SLC28A1: variants seen among roughly 807,000 people sequenced by gnomAD.
SLC28A1 encodes sodium/nucleoside cotransporter 1.
Under a neutral mutation model 74.8 loss-of-function variants are expected in SLC28A1, and 64 were observed. The observed-to-expected ratio is 0.86, with a 90% CI of 0.70 to 1.05. SLC28A1 has a LOEUF of 1.05. SLC28A1 is among the 50% of genes least tolerant of loss of function. The probability of loss-of-function intolerance (pLI) is 0.00; values close to 1 mark genes in which losing one functional copy is unlikely to be tolerated. For synonymous variants in SLC28A1, 359 were observed against 335.0 expected (o/e 1.07, Z -0.78); for missense variants, 828 against 822.8 (o/e 1.01, Z -0.08).
chr15:84,921,439 C>T (rs1969822191), intron 11 of SLC28A1, among the ~76,000 whole-genome samples: 1 of 152,204 alleles, frequency 6.6e-6, no homozygotes, highest in South Asian at 2.1e-4. Flanking sequence ...AGGTTTTCTT[C>T]TTTCTGGTCA....
chr15:84,965,448 A>G, the SLC28A1 span, among the ~76,000 whole-genome samples: 2 of 152,176 alleles, frequency 1.3e-5, no homozygotes, highest in African/African-American at 4.8e-5. Context: ...TCCTCTCTGG[A>G]TTTAGGCTGG....
intron 6 of SLC28A1, chr15:84,895,829 T>A (rs765510985): frequency 1.2e-5 from 13 of 1,087,266 alleles, no homozygotes; most frequent in African/African-American, 1.6e-5. Context: ...TCTATTTTGT[T>A]GATGAAGAAG....
Position 84,938,815 on chromosome 15 carries a change from T to G in SLC28A1, c.1581+3297T>G, listed in dbSNP as rs555703841. Among the ~76,000 whole-genome samples the G allele has an allele frequency of 2.0e-5, 3 of 150,044 alleles. No homozygotes were observed. In the East Asian group the frequency reaches 5.8e-4, roughly 29 times the overall value. The stretch of plus-strand genomic sequence containing the variant: ...CTGGTCAGAAAAAATATCCCTGAGG[T>G]GTGGCATTTAAGCCAAGACTTGGAG... On this transcript the variant is annotated intron_variant, in intron 15 of 18. Coordinates refer to ENST00000394573, the MANE Select transcript of SLC28A1 (RefSeq NM_004213.5).
chr15:84,928,579 T>TCTCC (rs1567172254), intron 12 of SLC28A1, among the ~76,000 whole-genome samples: 1 of 25,764 alleles, frequency 3.9e-5, no homozygotes, highest in Non-Finnish European at 6.2e-5. Flanking sequence ...TCTTTCTTTC[T>TCTCC]TTCTTTCTTT....
intron 15 of SLC28A1, among the ~76,000 whole-genome samples, chr15:84,941,801 G>T (rs1188512948): frequency 1.1e-5 from 1 of 89,034 alleles, no homozygotes; most frequent in Non-Finnish European, 2.1e-5. Context: ...GAACCCAGGA[G>T]GCAGAAGTTT....
At chr15:84,885,618 C>A (rs535866662) in intron 1 of SLC28A1, among the ~76,000 whole-genome samples, 2 of 151,148 alleles carry the variant, frequency 1.3e-5, no homozygotes, top group Non-Finnish European at 2.9e-5. Context: ...GTAATCACAG[C>A]TACTTGGGAG....
chr15:84,893,205 A>G (rs1965558684), intron 5 of SLC28A1, among the ~76,000 whole-genome samples: 1 of 152,054 alleles, frequency 6.6e-6, no homozygotes, highest in South Asian at 2.1e-4. Context: ...TCCCTCTCCA[A>G]GTGGGCATCA....
At chr15:84,959,195 C>T in the SLC28A1 span, among the ~76,000 whole-genome samples, 1 of 151,986 alleles carries the variant, frequency 6.6e-6, no homozygotes, top group Non-Finnish European at 1.5e-5. Context: ...CCTCGACCAT[C>T]CCAGGCCTAG....
intron 6 of SLC28A1, among the ~76,000 whole-genome samples, chr15:84,902,446 C>A (rs1966776806): frequency 6.7e-6 from 1 of 150,144 alleles, no homozygotes; most frequent in South Asian, 2.1e-4. Context: ...TGCCACTGCA[C>A]TGCAGCTTGA....
At chr15:84,930,453 G>GT (rs1392881682) in intron 12 of SLC28A1, among the ~76,000 whole-genome samples, 1 of 151,996 alleles carries the variant, frequency 6.6e-6, no homozygotes, top group African/African-American at 2.4e-5. Flanking sequence ...ATTTTAAGAA[G>GT]TTTTGTCGAT....
chr15:84,959,889 G>A, the SLC28A1 span, among the ~76,000 whole-genome samples: 1 of 152,156 alleles, frequency 6.6e-6, no homozygotes, highest in East Asian at 1.9e-4. Flanking sequence ...ACGTAACAAT[G>A]AGTCCCTGAA....
At chr15:84,972,457 C>A in the SLC28A1 span, among the ~76,000 whole-genome samples, 2 of 152,148 alleles carry the variant, frequency 1.3e-5, no homozygotes, top group African/African-American at 4.8e-5. Flanking sequence ...GTTGTAAAGG[C>A]TCAAGAAGAA....
the SLC28A1 span, among the ~76,000 whole-genome samples, chr15:84,954,324 G>A: frequency 6.6e-6 from 1 of 152,132 alleles, no homozygotes; most frequent in Non-Finnish European, 1.5e-5. Context: ...CCACGAGATC[G>A]GGGGTGTTGT....
intron 5 of SLC28A1, among the ~76,000 whole-genome samples, chr15:84,894,372 C>CAAAAA (rs11408601): frequency 7.4e-6 from 1 of 134,326 alleles, no homozygotes; most frequent in African/African-American, 2.8e-5. Flanking sequence ...ACCCTATCTC[C>CAAAAA]AAAAAAAAAA....
intron 15 of SLC28A1, among the ~76,000 whole-genome samples, chr15:84,937,713 C>T (rs1972103704): frequency 6.6e-6 from 1 of 151,578 alleles, no homozygotes; most frequent in African/African-American, 2.4e-5. Flanking sequence ...ACCAGCCTGA[C>T]CAACATAGCG....
chr15:84,928,968 G>T (rs1313884114), intron 12 of SLC28A1, among the ~76,000 whole-genome samples: 1 of 151,904 alleles, frequency 6.6e-6, no homozygotes, highest in Non-Finnish European at 1.5e-5. Context: ...TCAATCTCTG[G>T]CTCCCTTCTC....
intron 15 of SLC28A1, among the ~76,000 whole-genome samples, chr15:84,941,876 AT>A (rs1353638367): frequency 1.3e-5 from 2 of 152,222 alleles, no homozygotes; most frequent in Non-Finnish European, 2.9e-5. Context: ...AAATAACGTG[AT>A]GAGATAATTC....
At chr15:84,924,573 C>T (rs911306621) in intron 12 of SLC28A1, among the ~76,000 whole-genome samples, 2 of 152,166 alleles carry the variant, frequency 1.3e-5, no homozygotes, top group African/African-American at 4.8e-5. Flanking sequence ...TAAATTATTG[C>T]CTGTGCAGTT....
At chr15:84,894,893 A>C in intron 5 of SLC28A1, 47 bp from the exon 6 acceptor site, 1 of 1,590,946 alleles carries the variant, frequency 6.3e-7, no homozygotes, top group Non-Finnish European at 8.6e-7. Flanking sequence ...AGGGTTCTGA[A>C]GAGGTGGTGT....
Sources: allele counts gnomAD v4.1 joint callset (sites outside exome capture counted in the v4.1 genomes callset), GRCh38; gene constraint gnomAD v4.1.1; transcripts MANE v1.5; gene names NCBI Gene and HGNC (gene_info 2026-07-23, HGNC 2026-07-21).